The following FSTL5 variants were observed in gnomAD, a reference collection of about 807,000 sequenced individuals.
FSTL5 encodes follistatin like 5, also known as follistatin-related protein 5.
In FSTL5, 62 loss-of-function variants were observed where a neutral mutation model predicts 89.1. The ratio of observed to expected loss-of-function variants is 0.70; its 90% CI spans 0.57 to 0.86. The LOEUF is 0.86. Ranked by LOEUF, FSTL5 falls within the 40% of genes least tolerant of loss-of-function variation. The pLI is 0.00. For synonymous variants in FSTL5, 383 were observed against 346.2 expected (o/e 1.11, Z -1.18); for missense variants, 1,057 against 1,001.6 (o/e 1.06, Z -0.75).
At chr4:162,039,109 C>A (rs1022999723) in intron 2 of FSTL5, among the ~76,000 whole-genome samples, 1 of 151,750 alleles carries the variant, frequency 6.6e-6, no homozygotes, top group Admixed American at 6.6e-5. Context: ...GAGTGAAGCA[C>A]ATGCAGACAG....
intron 3 of FSTL5, among the ~76,000 whole-genome samples, chr4:162,003,658 A>G (rs1002595026): frequency 1.3e-5 from 2 of 152,190 alleles, no homozygotes; most frequent in African/African-American, 2.4e-5. Flanking sequence ...GGAATGGCCA[A>G]TGTAGTGTAA....
intron 3 of FSTL5, among the ~76,000 whole-genome samples, chr4:161,977,537 T>C (rs457780): frequency 0.26 from 37,995 of 147,086 alleles, 6,063 homozygotes; most frequent in African/African-American, 0.45. Context: ...GGCGTGTACA[T>C]GGAAGGCGGA....
At chr4:161,402,274 A>C (rs535009581) in intron 15 of FSTL5, among the ~76,000 whole-genome samples, 7 of 152,324 alleles carry the variant, frequency 4.6e-5, no homozygotes, top group Admixed American at 4.6e-4. Context: ...TTTTAGAGTT[A>C]TTTCAAATAA....
At chr4:161,851,912 C>CACACAT (rs1300948857) in intron 4 of FSTL5, among the ~76,000 whole-genome samples, 1 of 151,692 alleles carries the variant, frequency 6.6e-6, no homozygotes, top group African/African-American at 2.4e-5. Flanking sequence ...CACACACACA[C>CACACAT]ATACACACAC....
intron 2 of FSTL5, among the ~76,000 whole-genome samples, chr4:162,044,144 G>A (rs1378142319): frequency 6.6e-6 from 1 of 152,110 alleles, no homozygotes; most frequent in East Asian, 1.9e-4. Flanking sequence ...ATCCATCAGA[G>A]GAATCACTGT....
intron 12 of FSTL5, among the ~76,000 whole-genome samples, chr4:161,493,230 T>C (rs111353751): frequency 0.075 from 11,402 of 151,710 alleles, 567 homozygotes; most frequent in Middle Eastern, 0.15. Context: ...TATATATATT[T>C]CAATATATTT....
At chr4:161,390,298 T>G (rs1730778855) in intron 15 of FSTL5, among the ~76,000 whole-genome samples, 1 of 152,118 alleles carries the variant, frequency 6.6e-6, no homozygotes, top group East Asian at 1.9e-4. Flanking sequence ...GTGGCTTACT[T>G]TAGGACCTGG....
intron 6 of FSTL5, among the ~76,000 whole-genome samples, chr4:161,709,838 T>C (rs974582917): frequency 1.3e-5 from 2 of 152,102 alleles, no homozygotes; most frequent in Non-Finnish European, 2.9e-5. Flanking sequence ...TGGAATTCTA[T>C]TGATTTACTT....
At chr4:162,153,766 G>GTA (rs1733355715) in intron 1 of FSTL5, among the ~76,000 whole-genome samples, 1 of 52,086 alleles carries the variant, frequency 1.9e-5, no homozygotes, top group East Asian at 4.3e-4. Flanking sequence ...ATATATACAT[G>GTA]TATATTATAT....
intron 4 of FSTL5, among the ~76,000 whole-genome samples, chr4:161,832,927 C>T (rs7694341): frequency 0.73 from 104,340 of 142,734 alleles, 38,640 homozygotes; most frequent in East Asian, 0.82. Context: ...TGCTAGCTTT[C>T]GAATGTGTTT....
chr4:161,521,734 A>T (rs1341407132), intron 10 of FSTL5, among the ~76,000 whole-genome samples: 1 of 151,178 alleles, frequency 6.6e-6, no homozygotes. Context: ...CTGTAGTCCC[A>T]GCTACTTGGG....
intron 1 of FSTL5, among the ~76,000 whole-genome samples, chr4:162,112,009 A>T (rs1731462987): frequency 6.6e-6 from 1 of 152,192 alleles, no homozygotes; most frequent in African/African-American, 2.4e-5. Context: ...ACTTTAAACT[A>T]AAAGTTTTAT....
chr4:161,463,764 G>C (rs1733655168), intron 13 of FSTL5, among the ~76,000 whole-genome samples: 1 of 152,126 alleles, frequency 6.6e-6, no homozygotes, highest in Admixed American at 6.6e-5. Context: ...TGTTGAAATG[G>C]TTCTCCACAT....
At chr4:161,434,071 C>G (rs1356209000) in intron 15 of FSTL5, among the ~76,000 whole-genome samples, 2 of 152,002 alleles carry the variant, frequency 1.3e-5, no homozygotes, top group East Asian at 3.9e-4. Context: ...GTATATGGAA[C>G]CACAAATATC....
At chr4:161,779,064 G>T (rs901986717) in intron 4 of FSTL5, among the ~76,000 whole-genome samples, 2 of 152,164 alleles carry the variant, frequency 1.3e-5, no homozygotes, top group Non-Finnish European at 2.9e-5. Context: ...AGAGATGGAT[G>T]GGAAATAGGA....
chr4:161,427,188 G>A (rs1378652754), intron 15 of FSTL5, among the ~76,000 whole-genome samples: 2 of 152,090 alleles, frequency 1.3e-5, no homozygotes, highest in African/African-American at 4.8e-5. Context: ...TTTTAATTCA[G>A]TATAATTAAA....
chr4:161,819,429 A>G (rs1730425997), intron 4 of FSTL5, among the ~76,000 whole-genome samples: 3 of 152,128 alleles, frequency 2.0e-5, no homozygotes, highest in Admixed American at 1.3e-4. Context: ...TGTAACTTAC[A>G]TAAATAAAGC....
At chr4:162,127,569 CT>C (rs372707773) in intron 1 of FSTL5, among the ~76,000 whole-genome samples, 1 of 152,088 alleles carries the variant, frequency 6.6e-6, no homozygotes, top group Non-Finnish European at 1.5e-5. Context: ...ACCTTTGTTT[CT>C]TTGAAGTTAC....
At chr4:161,764,750 C>T (rs1168929436) in intron 5 of FSTL5, among the ~76,000 whole-genome samples, 3 of 151,990 alleles carry the variant, frequency 2.0e-5, no homozygotes, top group Non-Finnish European at 4.4e-5. Context: ...TTAAGGTATC[C>T]TACATGGCTC....
Sources: allele counts gnomAD v4.1 joint callset (sites outside exome capture counted in the v4.1 genomes callset), GRCh38; gene constraint gnomAD v4.1.1; transcripts MANE v1.5; gene names NCBI Gene and HGNC (gene_info 2026-07-23, HGNC 2026-07-21).